The following HELLS variants were observed in gnomAD, a reference collection of about 807,000 sequenced individuals.
The protein encoded by HELLS is lymphoid-specific helicase.
Under a neutral mutation model 120.0 loss-of-function variants are expected in HELLS, and 32 were observed. The ratio of observed to expected loss-of-function variants is 0.27; its 90% confidence interval spans 0.20 to 0.36. HELLS has a LOEUF of 0.36. HELLS is among the 10% of genes least tolerant of loss of function. HELLS has a pLI of 1.00. For synonymous variants in HELLS, 341 were observed against 323.4 expected, an observed-to-expected ratio of 1.05 and a Z score of -0.58; for missense variants, 650 against 993.4, an observed-to-expected ratio of 0.65 and a Z score of 4.65.
intron 7 of HELLS, among the ~76,000 whole-genome samples, chr10:94,572,064 T>C (rs1024233398): frequency 5.3e-5 from 8 of 152,200 alleles, no homozygotes; most frequent in Admixed American, 6.5e-5. Context: ...ATAATCTATT[T>C]GGTCATATAA....
At chr10:94,556,867 G>C (rs535738285) in intron 3 of HELLS, among the ~76,000 whole-genome samples, 1 of 152,288 alleles carries the variant, frequency 6.6e-6, no homozygotes, top group Admixed American at 6.5e-5. Context: ...TCCTGATAAT[G>C]TCTATATGTC....
intron 3 of HELLS, among the ~76,000 whole-genome samples, chr10:94,554,747 G>A (rs1843167957): frequency 6.6e-6 from 1 of 151,322 alleles, no homozygotes. Flanking sequence ...CTGGATTAGA[G>A]GGTTGGGATT....
intron 6 of HELLS, among the ~76,000 whole-genome samples, chr10:94,563,523 G>A (rs1843653832): frequency 6.6e-6 from 1 of 151,366 alleles, no homozygotes. Context: ...GTATCACTCT[G>A]TGACTCAAGC....
chr10:94,603,258 C>T (rs1460212538), downstream of HELLS, among the ~76,000 whole-genome samples: 1 of 152,132 alleles, frequency 6.6e-6, no homozygotes, highest in Admixed American at 6.6e-5. Context: ...TTTTCTGAAC[C>T]CATTCCAATC....
chr10:94,587,827 A>G (rs1400477647), intron 12 of HELLS, among the ~76,000 whole-genome samples: 1 of 152,116 alleles, frequency 6.6e-6, no homozygotes, highest in Non-Finnish European at 1.5e-5. Context: ...TATTATTTCT[A>G]CTTTTTGTAC....
intron 3 of HELLS, among the ~76,000 whole-genome samples, chr10:94,557,708 CCT>C (rs1306560507): frequency 6.6e-6 from 1 of 152,182 alleles, no homozygotes; most frequent in Non-Finnish European, 1.5e-5. Flanking sequence ...GCAGCTTTGT[CCT>C]CTCTGGTACT....
intron 9 of HELLS, among the ~76,000 whole-genome samples, chr10:94,575,762 GGGTTGTGTTT>G (rs1237907743): frequency 8.2e-6 from 1 of 122,044 alleles, no homozygotes; most frequent in East Asian, 3.1e-4. Flanking sequence ...GTTGGGGGGG[GGGTTGTGTTT>G]GTGTGTGTGT....
chr10:94,546,532 C>T, intron 2 of HELLS, 34 bp downstream of exon 2: 1 of 1,612,798 alleles, frequency 6.2e-7, no homozygotes, highest in Non-Finnish European at 8.5e-7. Context: ...GTCGTGAAAG[C>T]CTGTGGTAAC....
chr10:94,558,601 TA>T (rs1193067727), intron 4 of HELLS, among the ~76,000 whole-genome samples: 1 of 151,632 alleles, frequency 6.6e-6, no homozygotes, highest in Non-Finnish European at 1.5e-5. Context: ...TCTCTTACTC[TA>T]TTTTTTTTTT....
chr10:94,572,620 G>A (rs1327240841), intron 7 of HELLS, among the ~76,000 whole-genome samples: 1 of 152,124 alleles, frequency 6.6e-6, no homozygotes, highest in Non-Finnish European at 1.5e-5. Flanking sequence ...TGACTTTTAT[G>A]AGTAAGGTTG....
chr10:94,589,498 A>T (rs943785666), intron 13 of HELLS, among the ~76,000 whole-genome samples: 9 of 152,132 alleles, frequency 5.9e-5, no homozygotes, highest in African/African-American at 2.2e-4. Flanking sequence ...ATTATTCATC[A>T]CCCACCATAT....
At chr10:94,587,421 A>G (rs1845223597) in intron 12 of HELLS, among the ~76,000 whole-genome samples, 1 of 151,878 alleles carries the variant, frequency 6.6e-6, no homozygotes, top group African/African-American at 2.4e-5. Flanking sequence ...ATCCAGTTAT[A>G]CACTTTTGTG....
chr10:94,571,779 T>C (rs1280792489), intron 7 of HELLS, among the ~76,000 whole-genome samples: 2 of 152,238 alleles, frequency 1.3e-5, no homozygotes, highest in African/African-American at 4.8e-5. Flanking sequence ...TTAATCTTGC[T>C]TCAGACCTTA....
At chr10:94,582,806 G>A (rs1323340237) in intron 11 of HELLS, among the ~76,000 whole-genome samples, 157 bp from the exon 12 acceptor site, 1 of 151,978 alleles carries the variant, frequency 6.6e-6, no homozygotes, top group Non-Finnish European at 1.5e-5. Context: ...GTTGGAATGT[G>A]TTCTCTTCCA....
chr10:94,575,097 A>G (rs1417342303), intron 9 of HELLS, among the ~76,000 whole-genome samples: 2 of 143,742 alleles, frequency 1.4e-5, no homozygotes, highest in African/African-American at 5.2e-5. Flanking sequence ...TACCTTCTGC[A>G]ATTTTTTTTT....
rs182559463 is a variant in HELLS at position 94,551,247 on chromosome 10, T to A, written c.154-2879T>A. On this transcript the variant is annotated intron_variant, in intron 2 of 21. Coordinates refer to ENST00000348459, the MANE Select transcript of HELLS (RefSeq NM_018063.5). Reference sequence around the variant, plus strand: ...ACTTTTGTTAGGTCCATTCTTAGAATCTTACTGTAGTCACTGATTTTATAA... The same window carrying A: ...ACTTTTGTTAGGTCCATTCTTAGAAACTTACTGTAGTCACTGATTTTATAA... Among the ~76,000 whole-genome samples, 239 of 152,306 alleles carry A rather than the reference T, an allele frequency of 1.6e-3. 1 individual carries two copies. The highest frequency in any genetic ancestry group is 2.7e-3 in the Non-Finnish European group (186 of 68,026).
intron 19 of HELLS, among the ~76,000 whole-genome samples, 156 bp from the exon 20 acceptor site, chr10:94,596,704 C>G (rs1564618298): frequency 6.6e-6 from 1 of 152,152 alleles, no homozygotes; most frequent in African/African-American, 2.4e-5. Context: ...TTTTCCAGTC[C>G]TACCAGCGAA....
At chr10:94,572,617 T>C (rs1431754161) in intron 7 of HELLS, among the ~76,000 whole-genome samples, 1 of 152,208 alleles carries the variant, frequency 6.6e-6, no homozygotes, top group Non-Finnish European at 1.5e-5. Flanking sequence ...TTGTGACTTT[T>C]ATGAGTAAGG....
intron 21 of HELLS, among the ~76,000 whole-genome samples, chr10:94,600,292 T>TA (rs34515684): frequency 0.39 from 54,748 of 139,760 alleles, 10,664 homozygotes; most frequent in East Asian, 0.66. Context: ...CTCTGTCTCT[T>TA]AAAAAAAAAA....
Sources: allele counts gnomAD v4.1 joint callset (sites outside exome capture counted in the v4.1 genomes callset), GRCh38; gene constraint gnomAD v4.1.1; transcripts MANE v1.5; gene names NCBI Gene and HGNC (gene_info 2026-07-23, HGNC 2026-07-21).